The following KCNIP4 variants were observed in gnomAD, a reference collection of about 807,000 sequenced individuals.
KCNIP4 encodes potassium voltage-gated channel interacting protein 4, also known as Kv channel-interacting protein 4.
A neutral mutation model predicts 34.0 loss-of-function variants in KCNIP4; 12 were observed. The ratio of observed to expected loss-of-function variants is 0.35; its 90% CI spans 0.23 to 0.57. KCNIP4 has a LOEUF of 0.57. Among genes scored for constraint, KCNIP4 ranks in the 20% least tolerant of loss-of-function variants. KCNIP4 has a pLI of 0.83. For missense variants in KCNIP4, 238 were observed against 311.7 expected (o/e 0.76, Z 1.78); for synonymous variants, 124 against 102.2 (o/e 1.21, Z -1.29).
At chr4:21,883,142 T>C (rs1726555257) in intron 1 of KCNIP4, among the ~76,000 whole-genome samples, 2 of 149,058 alleles carry the variant, frequency 1.3e-5, no homozygotes, top group South Asian at 4.3e-4. Context: ...AAATTAAAAG[T>C]TTGTTTCTGA....
intron 1 of KCNIP4, among the ~76,000 whole-genome samples, chr4:21,830,846 C>A (rs1722941072): frequency 6.6e-6 from 1 of 152,104 alleles, no homozygotes; most frequent in Non-Finnish European, 1.5e-5. Context: ...CCAACTGCAG[C>A]AGAATACACA....
chr4:21,217,994 T>TTTTTG (rs1757713892), intron 1 of KCNIP4, among the ~76,000 whole-genome samples: 1 of 150,206 alleles, frequency 6.7e-6, no homozygotes, highest in African/African-American at 2.4e-5. Context: ...ATAGTTTTTT[T>TTTTTG]TTTTAAATTT....
At chr4:21,011,611 C>T (rs921975482) in intron 1 of KCNIP4, among the ~76,000 whole-genome samples, 6 of 152,134 alleles carry the variant, frequency 3.9e-5, no homozygotes, top group Non-Finnish European at 8.8e-5. Flanking sequence ...CTACTGATTG[C>T]TTCTATTTCT....
chr4:20,753,843 A>G (rs1259777101), intron 4 of KCNIP4, among the ~76,000 whole-genome samples: 1 of 152,196 alleles, frequency 6.6e-6, no homozygotes, highest in East Asian at 1.9e-4. Context: ...GACTCAAGTG[A>G]CTTGCATACA....
At chr4:20,871,195 G>A (rs1015060219) in intron 2 of KCNIP4, among the ~76,000 whole-genome samples, 1 of 152,024 alleles carries the variant, frequency 6.6e-6, no homozygotes, top group Non-Finnish European at 1.5e-5. Context: ...ACATTAGAAT[G>A]AACAAAAACA....
chr4:21,549,946 G>A (rs1357861397), intron 1 of KCNIP4, among the ~76,000 whole-genome samples: 1 of 152,044 alleles, frequency 6.6e-6, no homozygotes, highest in Non-Finnish European at 1.5e-5. Context: ...TCTGTAAATT[G>A]TAGACAAATC....
intron 1 of KCNIP4, among the ~76,000 whole-genome samples, chr4:21,247,742 A>ATATATATATATATATG (rs1760349659): frequency 8.2e-6 from 1 of 121,528 alleles, no homozygotes; most frequent in Non-Finnish European, 1.6e-5. Context: ...GTGGATATAT[A>ATATATATATATATATG]TATATATATA....
chr4:21,910,086 G>C (rs552199377), intron 1 of KCNIP4, among the ~76,000 whole-genome samples: 20 of 152,200 alleles, frequency 1.3e-4, no homozygotes, highest in East Asian at 7.8e-4. Context: ...ATAGTTACCT[G>C]TGCAGGGGGA....
intron 1 of KCNIP4, among the ~76,000 whole-genome samples, chr4:21,444,620 G>A (rs1334702006): frequency 2.6e-5 from 4 of 152,142 alleles, no homozygotes; most frequent in Admixed American, 2.0e-4. Flanking sequence ...TTGATGGGAC[G>A]TATCTCAAAA....
chr4:21,405,195 C>A (rs1029023002), intron 1 of KCNIP4, among the ~76,000 whole-genome samples: 8 of 152,312 alleles, frequency 5.3e-5, no homozygotes, highest in African/African-American at 1.9e-4. Context: ...CGTCCACTAA[C>A]ATGTCACCTA....
intron 1 of KCNIP4, among the ~76,000 whole-genome samples, chr4:20,938,277 G>A (rs887368252): frequency 6.6e-6 from 1 of 151,512 alleles, no homozygotes; most frequent in Non-Finnish European, 1.5e-5. Flanking sequence ...AGGCAAAGAG[G>A]AGCCCAGAAA....
chr4:21,327,369 A>G (rs1297400918), intron 1 of KCNIP4, among the ~76,000 whole-genome samples: 3 of 152,072 alleles, frequency 2.0e-5, no homozygotes, highest in Non-Finnish European at 2.9e-5. Context: ...ATGTCATGCC[A>G]ATCTCTCCTG....
chr4:21,009,669 C>A (rs1454478635), intron 1 of KCNIP4, among the ~76,000 whole-genome samples: 1 of 152,212 alleles, frequency 6.6e-6, no homozygotes, highest in East Asian at 1.9e-4. Flanking sequence ...CAGCTTCATT[C>A]TCAAAAGACA....
chr4:21,460,180 T>A (rs1429906064), intron 1 of KCNIP4, among the ~76,000 whole-genome samples: 1 of 150,646 alleles, frequency 6.6e-6, no homozygotes, highest in Non-Finnish European at 1.5e-5. Flanking sequence ...TTTGCACAGT[T>A]CCAAGCATCC....
intron 1 of KCNIP4, among the ~76,000 whole-genome samples, chr4:21,780,164 A>G (rs1178367818): frequency 6.6e-6 from 1 of 151,730 alleles, no homozygotes; most frequent in Non-Finnish European, 1.5e-5. Context: ...AGAATAACAC[A>G]GAACAGGAGA....
rs1026450048 is a variant in KCNIP4, at chr4:20,947,131, G to A, written c.62-64422C>T. On this transcript the variant is annotated intron_variant, in intron 1 of 8. Coordinates refer to ENST00000382152, the MANE Select transcript of KCNIP4 (RefSeq NM_025221.6). ...CTCTGTTATCATCACTCTAACTTAC[G>A]TGACTTTGCCTGATATTCCTAGTTT... 1.8e-4 allele frequency among the ~76,000 whole-genome samples: 27 copies of A among 152,080 alleles called. 1 individual carries two copies. Among genetic ancestry groups the A allele is most frequent in the African/African-American group, 5.8e-4 (24 of 41,490 alleles).
chr4:21,659,518 C>T (rs900931940), intron 1 of KCNIP4, among the ~76,000 whole-genome samples: 3 of 152,080 alleles, frequency 2.0e-5, no homozygotes, highest in African/African-American at 7.2e-5. Context: ...CTTCATTTCT[C>T]CTCAGCATTA....
intron 1 of KCNIP4, among the ~76,000 whole-genome samples, chr4:20,992,438 T>G (rs997419124): frequency 1.2e-4 from 19 of 152,146 alleles, no homozygotes; most frequent in African/African-American, 4.6e-4. Context: ...TTATGGAAAT[T>G]ATGGGGATTA....
intron 4 of KCNIP4, among the ~76,000 whole-genome samples, chr4:20,758,530 C>T (rs1754671954): frequency 6.6e-6 from 1 of 152,124 alleles, no homozygotes; most frequent in African/African-American, 2.4e-5. Flanking sequence ...AGCTTTGTGG[C>T]ATTTTTGAGC....
Sources: allele counts gnomAD v4.1 joint callset (sites outside exome capture counted in the v4.1 genomes callset), GRCh38; gene constraint gnomAD v4.1.1; transcripts MANE v1.5; gene names NCBI Gene and HGNC (gene_info 2026-07-23, HGNC 2026-07-21).